RFWD3: variants seen among roughly 807,000 people sequenced by gnomAD.
RFWD3 encodes the protein E3 ubiquitin-protein ligase RFWD3.
RFWD3 carries 65 observed loss-of-function variants against 87.7 expected under a neutral mutation model. The observed-to-expected ratio is 0.74, with a 90% CI of 0.61 to 0.91. The LOEUF is 0.91. RFWD3 is among the 40% of genes least tolerant of loss of function. The pLI is 0.00. For synonymous variants in RFWD3, 433 were observed against 352.8 expected (o/e 1.23, Z -2.55); for missense variants, 1,078 against 938.5 (o/e 1.15, Z -1.94).
At chr16:74,629,476 T>C (rs1300759462) in intron 10 of RFWD3, among the ~76,000 whole-genome samples, 1 of 152,182 alleles carries the variant, frequency 6.6e-6, no homozygotes, top group Non-Finnish European at 1.5e-5. Flanking sequence ...CTGGCCAATA[T>C]GGTGAAACCC....
At chr16:74,629,425 G>A (rs1959024731) in intron 10 of RFWD3, among the ~76,000 whole-genome samples, 1 of 152,212 alleles carries the variant, frequency 6.6e-6, no homozygotes, top group Admixed American at 6.5e-5. Context: ...TCGGGAAGCC[G>A]AGGTGGGAGA....
chr16:74,658,915 G>T (rs1392205394), intron 2 of RFWD3, among the ~76,000 whole-genome samples: 1 of 152,008 alleles, frequency 6.6e-6, no homozygotes, highest in Non-Finnish European at 1.5e-5. Context: ...CCACAGGTGT[G>T]TGCCACCACG....
chr16:74,654,026 TTG>T (rs1960775389), intron 2 of RFWD3, among the ~76,000 whole-genome samples: 1 of 152,170 alleles, frequency 6.6e-6, no homozygotes, highest in South Asian at 2.1e-4. Context: ...CAATTCAGTG[TTG>T]TTTTTTTTTA....
chr16:74,665,903 G>A (rs1309807079), intron 1 of RFWD3, among the ~76,000 whole-genome samples: 1 of 152,022 alleles, frequency 6.6e-6, no homozygotes, highest in African/African-American at 2.4e-5. Flanking sequence ...TCTCCATGTT[G>A]GTCAGGCTGG....
At chr16:74,665,004 G>A (rs562539721) in intron 1 of RFWD3, among the ~76,000 whole-genome samples, 1 of 152,180 alleles carries the variant, frequency 6.6e-6, no homozygotes, top group African/African-American at 2.4e-5. Context: ...TCACACAAAC[G>A]CTGTTTTTTA....
In RFWD3 at chr16:74,665,832, G is replaced by A. The variant is rs563636659; in HGVS notation, c.-3+954C>T. ...CGTGATCTCAGCTCACTGCAACCTC[G>A]GCCTCCCGGGTTCAAGCGATTCTCC... On this transcript the variant is annotated intron_variant, in intron 1 of 12. Transcript: ENST00000361070. 9.3e-5 allele frequency among the ~76,000 whole-genome samples: 14 copies of A among 151,160 alleles called. No individual in the cohort carries two copies. The South Asian group carries it at 1.1e-3, about 11-fold the overall frequency.
rs779053297 is a variant in RFWD3, at chr16:74,636,456, T to C, written c.1316A>G (p.Gln439Arg). The change falls in exon 8 of 13, where the codon CAA becomes CGA. Residue 439 changes from glutamine (Q) to arginine (R), a missense_variant. Physicochemically the swap from Gln to Arg is conservative, Grantham distance 43. Transcript: ENST00000361070. ...QGQHKHKYHF[Q>R]KTFTVSQAGN... ...TGCCTGAGATACTGTGAAGGTCTTT[T>C]GGAAGTGGTACTTGTGCTTGTGCTG... 6.2e-7 allele frequency: 1 copy of C among 1,614,066 alleles called. No individual in the cohort carries two copies. The highest frequency in any genetic ancestry group is 8.5e-7 in the Non-Finnish European group (1 of 1,180,044).
chr16:74,656,212 C>A (rs924625885), intron 2 of RFWD3, among the ~76,000 whole-genome samples: 1 of 145,706 alleles, frequency 6.9e-6, no homozygotes, highest in Admixed American at 7.1e-5. Context: ...GCAGGAGGAT[C>A]GAGGATCACC....
At chr16:74,643,185 T>C (rs1333003509) in intron 6 of RFWD3, among the ~76,000 whole-genome samples, 1 of 152,168 alleles carries the variant, frequency 6.6e-6, no homozygotes, top group Non-Finnish European at 1.5e-5. Flanking sequence ...GGATCTATGT[T>C]GGCCAGGTTG....
chr16:74,646,636 A>G (rs544321502), intron 4 of RFWD3, among the ~76,000 whole-genome samples: 21 of 152,170 alleles, frequency 1.4e-4, no homozygotes, highest in African/African-American at 4.8e-4. Context: ...AATACAAAAA[A>G]TTAGCCAGGC....
Position 74,621,685 on chromosome 16 carries a change from G to GT in RFWD3, c.*2242dup, listed in dbSNP as rs199648515. ...AACGGGGACTGGGAATGGCATCAGG[G>GT]TTTTTTTTTGTTTGTTTGTTTTTTT... On this transcript the variant is annotated 3_prime_UTR_variant, in exon 13 of 13. Coordinates refer to ENST00000361070, the MANE Select transcript of RFWD3 (RefSeq NM_018124.4). The GT allele has an allele frequency of 7.6e-4, 57 of 75,164 alleles. No individual in the cohort carries two copies. Among genetic ancestry groups the GT allele is most frequent in the African/African-American group, 2.5e-3 (32 of 13,010 alleles). 4.7% of individuals were successfully genotyped at this position (75,164 alleles called of 1,614,324 possible). A position where few individuals can be genotyped will look rare whatever the true frequency, so the allele number is the denominator to read the frequency against.
rs777184221 is a variant in RFWD3, at chr16:74,660,949, C to T, written c.501G>A (p.Gln167=). The change falls in exon 2 of 13, where the codon CAG becomes CAA. Residue 167 remains glutamine (Q), a synonymous_variant. Transcript: ENST00000361070. Reference sequence around the variant, plus strand: ...TTATTTACCTGGCACTGTCTGTCCTCTGAGACCCTCCGGCTCTTGCCCTCC... The same window carrying T: ...TTATTTACCTGGCACTGTCTGTCCTTTGAGACCCTCCGGCTCTTGCCCTCC... ...ASRRARAGGS[Q]RTDSARLRAP... 1.9e-6 allele frequency: 3 copies of T among 1,613,486 alleles called. No homozygotes were observed. The highest frequency in any genetic ancestry group is 2.5e-6 in the Non-Finnish European group (3 of 1,179,554).
rs762604190 is a variant in RFWD3 at position 74,630,917 on chromosome 16, G to A, written c.1618C>T (p.Arg540Cys). Residue 540 changes from arginine to cysteine, a missense_variant, in exon 10 of 13, where the codon CGT (arginine) becomes TGT (cysteine). By Grantham distance (180) the Arg-to-Cys change is radical. Transcript: ENST00000361070. ...NTVVQTYNAG[R>C]PVWSCCWCLD... ...CACCAGCAACAGCTCCAGACAGGACGTCCAGCATTATAAGTCTGGACCACG... is the reference window on the plus strand; with the variant it reads ...CACCAGCAACAGCTCCAGACAGGACATCCAGCATTATAAGTCTGGACCACG... 1.2e-5 allele frequency: 19 copies of A among 1,613,856 alleles called. No homozygotes were observed. The highest frequency in any genetic ancestry group is 4.0e-5 in the African/African-American group (3 of 75,016).
At position 74,637,967 on chromosome 16, in the gene RFWD3, G is replaced by A. The variant is rs1185827182; in HGVS notation, c.1083C>T (p.Ser361=). The change falls in exon 7 of 13, where the codon TCC becomes TCT. Residue 361 remains serine (S), a synonymous_variant. Transcript: ENST00000361070. ...TCCTTAGCATCTGTTCCTTCAGTAGGGAACTAGAGGGGGAAAGCCAGCAAC... is the reference window on the plus strand; with the variant it reads ...TCCTTAGCATCTGTTCCTTCAGTAGAGAACTAGAGGGGGAAAGCCAGCAAC... ...DTSEQERMKS[S]LLKEQMLRKQ... 1.1e-5 allele frequency: 18 copies of A among 1,606,316 alleles called. No individual in the cohort carries two copies. Among genetic ancestry groups the A allele is most frequent in the Non-Finnish European group, 1.5e-5 (18 of 1,176,022 alleles).
At chr16:74,648,364 A>G (rs1389800977) in intron 4 of RFWD3, among the ~76,000 whole-genome samples, 1 of 151,356 alleles carries the variant, frequency 6.6e-6, no homozygotes, top group East Asian at 2.0e-4. Flanking sequence ...CATGTTGGCC[A>G]GGCTGGTCTC....
chr16:74,647,185 GA>G (rs1365531443), intron 4 of RFWD3, among the ~76,000 whole-genome samples: 14 of 152,042 alleles, frequency 9.2e-5, no homozygotes, highest in Admixed American at 2.0e-4. Context: ...AAAACACAAA[GA>G]GCACATAGAA....
intron 6 of RFWD3, among the ~76,000 whole-genome samples, chr16:74,643,431 T>A (rs919980368): frequency 6.6e-6 from 1 of 152,234 alleles, no homozygotes; most frequent in African/African-American, 2.4e-5. Flanking sequence ...TTAACAATGC[T>A]AAATGAAGTT....
intron 12 of RFWD3, 80 bp downstream of exon 12, chr16:74,626,262 TA>T: frequency 1.6e-6 from 2 of 1,287,236 alleles, no homozygotes; most frequent in Non-Finnish European, 1.1e-6. Context: ...TGAGCTTCTG[TA>T]AAAAAAGTTC....
Position 74,661,022 on chromosome 16 carries a change from T to A in RFWD3, c.428A>T (p.Asn143Ile), listed in dbSNP as rs1011466364. ...MLEFLRPSSS[N>I]HSVGPMRTRR... ...TGTTCTCATTGGCCCTACACTGTGG[T>A]TTGAAGATGAAGGTCTCAGGAATTC... Residue 143 changes from asparagine (N) to isoleucine (I), a missense_variant, in exon 2 of 13, where the codon AAC (asparagine) becomes ATC (isoleucine). Asn to Ile is a moderately radical substitution (Grantham distance 149, BLOSUM62 -3). Transcript: ENST00000361070. 17 of 1,614,064 alleles carry A rather than the reference T, an allele frequency of 1.1e-5. No individual in the cohort carries two copies. The highest frequency in any genetic ancestry group is 1.7e-5 in the Admixed American group (1 of 60,008).
Sources: gnomAD v4.1 joint callset for allele counts (sites outside exome capture counted in the v4.1 genomes callset) on GRCh38, gnomAD v4.1.1 for gene constraint, MANE v1.5 for transcripts, NCBI Gene and HGNC (gene_info 2026-07-23, HGNC 2026-07-21) for gene names.